The following NCMAP variants were observed in gnomAD, a reference collection of about 807,000 sequenced individuals.
NCMAP encodes the protein noncompact myelin-associated protein.
Under a neutral mutation model 7.8 loss-of-function variants are expected in NCMAP, and 8 were observed. The observed-to-expected ratio is 1.02, with a 90% CI of 0.60 to 1.84. NCMAP has a LOEUF of 1.84. Among genes scored for constraint, NCMAP ranks in the 40% most tolerant of loss-of-function variants. NCMAP has a pLI of 0.00. For synonymous variants in NCMAP, 41 were observed against 52.9 expected, an observed-to-expected ratio of 0.78 and a Z score of 0.98; for missense variants, 112 against 131.4, an observed-to-expected ratio of 0.85 and a Z score of 0.72.
At position 24,573,120 on chromosome 1, in the gene NCMAP, T is replaced by C. The variant is rs981675968; in HGVS notation, c.-8+16951T>C. On this transcript the variant is annotated intron_variant, in intron 1 of 3. Coordinates refer to ENST00000374392, the MANE Select transcript of NCMAP (RefSeq NM_001010980.5). The stretch of plus-strand genomic sequence containing the variant: ...GCTCACACACCTCCACGCCTGTCTA[T>C]GGGGCAGACCTGGGTCCTCCCAGCC... Among the ~76,000 whole-genome samples the C allele has an allele frequency of 4.4e-4, 67 of 150,794 alleles. 5 individuals are homozygous for C. The highest frequency in any genetic ancestry group is 1.5e-3 in the African/African-American group (61 of 40,088).
chr1:24,557,488 A>G (rs1650932975), intron 1 of NCMAP, among the ~76,000 whole-genome samples: 2 of 152,058 alleles, frequency 1.3e-5, no homozygotes, highest in African/African-American at 4.8e-5. Context: ...TGGTGGTAGT[A>G]GAAAGTGACA....
chr1:24,559,845 A>G (rs1449408931), intron 1 of NCMAP, among the ~76,000 whole-genome samples: 1 of 152,220 alleles, frequency 6.6e-6, no homozygotes, highest in Non-Finnish European at 1.5e-5. Context: ...ACCAGAGACG[A>G]TAGTACCCTC....
At chr1:24,584,028 C>A (rs553702735) in intron 1 of NCMAP, among the ~76,000 whole-genome samples, 2 of 152,186 alleles carry the variant, frequency 1.3e-5, no homozygotes, top group Admixed American at 1.3e-4. Context: ...TGCATAGGGT[C>A]TGCTTGAGTG....
intron 1 of NCMAP, among the ~76,000 whole-genome samples, chr1:24,578,262 A>AAAAT (rs1444259846): frequency 2.0e-5 from 3 of 151,512 alleles, no homozygotes; most frequent in Admixed American, 2.0e-4. Context: ...AAAAAAAAAA[A>AAAAT]AAATTGTACC....
At chr1:24,591,063 GGAA>G in intron 1 of NCMAP, among the ~76,000 whole-genome samples, 1 of 105,064 alleles carries the variant, frequency 9.5e-6, no homozygotes, top group South Asian at 2.9e-4. Flanking sequence ...CTTTATCTGA[GGAA>G]GGTAAAAGGA....
At chr1:24,584,068 T>C (rs1241859604) in intron 1 of NCMAP, among the ~76,000 whole-genome samples, 1 of 152,142 alleles carries the variant, frequency 6.6e-6, no homozygotes, top group African/African-American at 2.4e-5. Flanking sequence ...GCCTAGAATA[T>C]CGAGGTGGCA....
At chr1:24,574,766 C>T (rs1490003759) in intron 1 of NCMAP, among the ~76,000 whole-genome samples, 6 of 150,162 alleles carry the variant, frequency 4.0e-5, no homozygotes, top group South Asian at 2.1e-4. Context: ...ACCAGGAGCA[C>T]GAGGCACAGT....
intron 3 of NCMAP, among the ~76,000 whole-genome samples, chr1:24,602,256 G>A (rs547599857): frequency 6.6e-6 from 1 of 152,094 alleles, no homozygotes; most frequent in Non-Finnish European, 1.5e-5. Flanking sequence ...TTTGCTGGGA[G>A]GGGGATGTTC....
rs12121887 is a variant in NCMAP at position 24,606,703 on chromosome 1, C to T, written c.*956C>T. ...TTCACAACCCATTTCTATTCTATAGCAACCTCGTCTGTGACTCCTTAGCCT... is the reference window on the plus strand; with the variant it reads ...TTCACAACCCATTTCTATTCTATAGTAACCTCGTCTGTGACTCCTTAGCCT... On this transcript the variant is annotated 3_prime_UTR_variant, in exon 4 of 4. Coordinates refer to ENST00000374392, the MANE Select transcript of NCMAP (RefSeq NM_001010980.5). 0.23 allele frequency: 35,026 copies of T among 152,186 alleles called. 5,087 individuals are homozygous for T. The highest frequency in any genetic ancestry group is 0.42 in the East Asian group (2,163 of 5,172). The allele number at this position is 152,186 out of a possible 1,614,324, so 9.4% of individuals were successfully genotyped here. A position where few individuals can be genotyped will look rare whatever the true frequency, so the allele number is the denominator to read the frequency against.
At chr1:24,602,323 C>CTAGG (rs1652528619) in intron 3 of NCMAP, among the ~76,000 whole-genome samples, 1 of 136,978 alleles carries the variant, frequency 7.3e-6, no homozygotes, top group African/African-American at 3.7e-5. Flanking sequence ...GAATATTATC[C>CTAGG]TGTAATCCCA....
intron 1 of NCMAP, among the ~76,000 whole-genome samples, chr1:24,561,469 T>G (rs1651050862): frequency 2.0e-5 from 3 of 152,228 alleles, no homozygotes; most frequent in Admixed American, 1.3e-4. Context: ...AAACATTTTT[T>G]GTGGGACCCT....
At chr1:24,584,643 C>T (rs975642761) in intron 1 of NCMAP, among the ~76,000 whole-genome samples, 4 of 151,694 alleles carry the variant, frequency 2.6e-5, no homozygotes, top group African/African-American at 7.3e-5. Context: ...GATCAGGCAC[C>T]TTTCTGTGGT....
intron 1 of NCMAP, among the ~76,000 whole-genome samples, chr1:24,588,516 A>G (rs1307241097): frequency 6.6e-6 from 1 of 152,116 alleles, no homozygotes; most frequent in African/African-American, 2.4e-5. Flanking sequence ...GCCAGGCCAG[A>G]GGGAGAGGGG....
At chr1:24,562,488 C>A (rs1461823114) in intron 1 of NCMAP, among the ~76,000 whole-genome samples, 1 of 152,222 alleles carries the variant, frequency 6.6e-6, no homozygotes. Flanking sequence ...GCCCGGTTCC[C>A]CACTGTCTCC....
rs1652800970 is a variant in NCMAP, at chr1:24,607,408, T to C, written c.*1661T>C. 6.6e-6 allele frequency: 1 copy of C among 152,146 alleles called. No homozygotes were observed. Among genetic ancestry groups the C allele is most frequent in the African/African-American group, 2.4e-5 (1 of 41,424 alleles). The allele number at this position is 152,146 out of a possible 1,614,324, so 9.4% of individuals were successfully genotyped here. On this transcript the variant is annotated 3_prime_UTR_variant, in exon 4 of 4. Coordinates refer to ENST00000374392, the MANE Select transcript of NCMAP (RefSeq NM_001010980.5). Reference sequence around the variant, plus strand: ...CAGAACATATCTTGCAATTGATGGGTTCATTAATATAATTGTAGTTCTTTA... The same window carrying C: ...CAGAACATATCTTGCAATTGATGGGCTCATTAATATAATTGTAGTTCTTTA...
At chr1:24,572,616 C>T (rs977095795) in intron 1 of NCMAP, among the ~76,000 whole-genome samples, 3 of 150,356 alleles carry the variant, frequency 2.0e-5, no homozygotes, top group Non-Finnish European at 4.4e-5. Context: ...ACTCACCGCC[C>T]CTCCCCACTG....
intron 2 of NCMAP, among the ~76,000 whole-genome samples, chr1:24,598,973 T>C (rs76894391): frequency 0.035 from 5,285 of 151,578 alleles, 146 homozygotes; most frequent in Middle Eastern, 0.12. Context: ...CCGACAAGGA[T>C]GTTGATCTTG....
In NCMAP at chr1:24,564,527, A is replaced by C. The variant is rs1362267749; in HGVS notation, c.-8+8358A>C. The stretch of plus-strand genomic sequence containing the variant: ...AGATTCTGTCTCAAAAAAAAAAAAA[A>C]AAAAACAAAAAAAAACCTGAGAGAG... On this transcript the variant is annotated intron_variant, in intron 1 of 3. Coordinates refer to ENST00000374392, the MANE Select transcript of NCMAP (RefSeq NM_001010980.5). 4.2e-5 allele frequency among the ~76,000 whole-genome samples: 6 copies of C among 142,870 alleles called. 1 individual carries two copies. The highest frequency in any genetic ancestry group is 4.4e-4 in the South Asian group (2 of 4,534). The allele number at this position is 142,870 out of a possible 152,430, so 93.7% of individuals were successfully genotyped here. A position where few individuals can be genotyped will look rare whatever the true frequency, so the allele number is the denominator to read the frequency against.
Position 24,606,152 on chromosome 1 carries a change from T to C in NCMAP, c.*405T>C, listed in dbSNP as rs1652723774. On this transcript the variant is annotated 3_prime_UTR_variant, in exon 4 of 4. Coordinates refer to ENST00000374392, the MANE Select transcript of NCMAP (RefSeq NM_001010980.5). ...GGTTCATATCAGATGAAGCGCCGTA[T>C]CCACTGCTTCACAGAGCAAAACATT... The C allele has an allele frequency of 6.0e-6, 1 of 166,114 alleles. No homozygotes were observed. The highest frequency in any genetic ancestry group is 2.4e-5 in the African/African-American group (1 of 42,054). The allele number at this position is 166,114 out of a possible 1,614,324, so 10.3% of individuals were successfully genotyped here. A position where few individuals can be genotyped will look rare whatever the true frequency, so the allele number is the denominator to read the frequency against.
Sources: gnomAD v4.1 joint callset for allele counts (sites outside exome capture counted in the v4.1 genomes callset) on GRCh38, gnomAD v4.1.1 for gene constraint, MANE v1.5 for transcripts, NCBI Gene and HGNC (gene_info 2026-07-23, HGNC 2026-07-21) for gene names.